The following EEPD1 variants were observed in gnomAD, a reference collection of about 807,000 sequenced individuals.
EEPD1 encodes the protein endonuclease/exonuclease/phosphatase family domain-containing protein 1.
EEPD1 carries 17 observed loss-of-function variants against 46.3 expected under a neutral mutation model. The ratio of observed to expected loss-of-function variants is 0.37; its 90% CI spans 0.25 to 0.55. The LOEUF is 0.55. EEPD1 is among the 20% of genes least tolerant of loss of function. The pLI, the probability that EEPD1 is intolerant of heterozygous loss-of-function variation, is 0.83. For synonymous variants in EEPD1, 313 were observed against 315.6 expected, an observed-to-expected ratio of 0.99 and a Z score of 0.09; for missense variants, 673 against 745.6, an observed-to-expected ratio of 0.90 and a Z score of 1.13.
At chr7:36,259,155 C>T (rs557949779) in intron 3 of EEPD1, among the ~76,000 whole-genome samples, 4 of 152,272 alleles carry the variant, frequency 2.6e-5, no homozygotes, top group South Asian at 2.1e-4. Flanking sequence ...TGGTTCAGCT[C>T]GCCCTCCGTG....
At chr7:36,234,878 T>G (rs1786402081) in intron 2 of EEPD1, among the ~76,000 whole-genome samples, 1 of 151,600 alleles carries the variant, frequency 6.6e-6, no homozygotes, top group African/African-American at 2.4e-5. Flanking sequence ...TCTCATGCTT[T>G]TACTGTGTGC....
At chr7:36,206,133 TA>T (rs546453993) in intron 2 of EEPD1, among the ~76,000 whole-genome samples, 3 of 152,158 alleles carry the variant, frequency 2.0e-5, no homozygotes, top group Non-Finnish European at 4.4e-5. Flanking sequence ...ATAACAGGGC[TA>T]AATCCCTGAC....
intron 3 of EEPD1, among the ~76,000 whole-genome samples, chr7:36,263,343 G>A (rs1171233384): frequency 6.6e-6 from 1 of 151,972 alleles, no homozygotes; most frequent in South Asian, 2.1e-4. Context: ...GGGAGGGGGG[G>A]GAAAAAGCAG....
In EEPD1 at chr7:36,173,672, A is replaced by G. The variant is rs556109391; in HGVS notation, c.878+18470A>G. Among the ~76,000 whole-genome samples, 8 of 152,304 alleles carry G rather than the reference A, an allele frequency of 5.3e-5. No homozygotes were observed. The East Asian group carries it at 7.7e-4, about 15-fold the overall frequency. On this transcript the variant is annotated intron_variant, in intron 2 of 7. Transcript: ENST00000242108. ...GTTTATAAATTACCCAGTCTCAGGTATATCTTTATAGCAGTGTGAAAATCA... is the reference window on the plus strand; with the variant it reads ...GTTTATAAATTACCCAGTCTCAGGTGTATCTTTATAGCAGTGTGAAAATCA...
At chr7:36,172,320 G>C (rs1785098892) in intron 2 of EEPD1, among the ~76,000 whole-genome samples, 1 of 152,168 alleles carries the variant, frequency 6.6e-6, no homozygotes, top group Non-Finnish European at 1.5e-5. Flanking sequence ...CCCCTGAGAG[G>C]GGCCTGTCTC....
chr7:36,176,023 G>A (rs557299648), intron 2 of EEPD1, among the ~76,000 whole-genome samples: 1 of 152,300 alleles, frequency 6.6e-6, no homozygotes, highest in South Asian at 2.1e-4. Context: ...TGAGTGAGCC[G>A]TGTGAGTAGA....
rs532546541 is a variant in EEPD1, at chr7:36,274,937, G to A, written c.931-6178G>A. On this transcript the variant is annotated intron_variant, in intron 3 of 7. Transcript: ENST00000242108. ...AAAGTTCAGTCTCCTGACCTTGCAC[G>A]GCCTAAGACAAGGGCTTCTTTCTTT... Among the ~76,000 whole-genome samples the A allele has an allele frequency of 1.4e-4, 21 of 152,230 alleles. No homozygotes were observed. In the South Asian group the frequency reaches 1.7e-3, roughly 12 times the overall value.
chr7:36,270,458 GC>G (rs1009243677), intron 3 of EEPD1, among the ~76,000 whole-genome samples: 14 of 151,762 alleles, frequency 9.2e-5, no homozygotes, highest in Non-Finnish European at 1.9e-4. Context: ...TCCCTCCCTA[GC>G]CCCCAACCCC....
chr7:36,188,102 G>A (rs952393466), intron 2 of EEPD1, among the ~76,000 whole-genome samples: 3 of 151,980 alleles, frequency 2.0e-5, no homozygotes, highest in Non-Finnish European at 4.4e-5. Context: ...GGCCTGTGCT[G>A]GTATTTTTTA....
chr7:36,271,609 G>A (rs1787102721), intron 3 of EEPD1, among the ~76,000 whole-genome samples: 1 of 151,624 alleles, frequency 6.6e-6, no homozygotes, highest in South Asian at 2.1e-4. Flanking sequence ...AAGCTCTTTA[G>A]TTTAATTAGA....
chr7:36,265,488 A>T (rs549798835), intron 3 of EEPD1, among the ~76,000 whole-genome samples: 5 of 152,314 alleles, frequency 3.3e-5, no homozygotes, highest in African/African-American at 1.2e-4. Flanking sequence ...AGAGGGTAGG[A>T]ATGGGGAGCT....
chr7:36,284,583 G>C (rs1787313068), intron 4 of EEPD1, 103 bp from the exon 5 acceptor site: 2 of 1,427,526 alleles, frequency 1.4e-6, no homozygotes, highest in Non-Finnish European at 9.4e-7. Context: ...GCTTGAGCCA[G>C]AGTAGGGCCT....
intron 3 of EEPD1, among the ~76,000 whole-genome samples, chr7:36,264,985 G>A (rs773413109): frequency 4.0e-5 from 6 of 151,772 alleles, no homozygotes; most frequent in Non-Finnish European, 8.8e-5. Flanking sequence ...TTAAAGACTA[G>A]GATTTGACAT....
intron 2 of EEPD1, among the ~76,000 whole-genome samples, chr7:36,197,775 C>G (rs995609424): frequency 3.3e-5 from 5 of 152,156 alleles, no homozygotes; most frequent in Middle Eastern, 3.4e-3. Context: ...CACAAACACT[C>G]TGCCTAGGAA....
At chr7:36,286,492 A>G (rs1787344574) in intron 5 of EEPD1, among the ~76,000 whole-genome samples, 1 of 152,202 alleles carries the variant, frequency 6.6e-6, no homozygotes, top group Admixed American at 6.5e-5. Context: ...GACAAATGGA[A>G]GGGCAAGATT....
rs796420023 is a variant in EEPD1 at position 36,160,680 on chromosome 7, G to C, written c.878+5478G>C. Among the ~76,000 whole-genome samples, 237 of 118,768 alleles carry C rather than the reference G, an allele frequency of 2.0e-3. 8 individuals carry two copies. Among genetic ancestry groups the C allele is most frequent in the African/African-American group, 6.0e-3 (225 of 37,364 alleles). The allele number at this position is 118,768 out of a possible 152,430, so 77.9% of individuals were successfully genotyped here. A position where few individuals can be genotyped will look rare whatever the true frequency, so the allele number is the denominator to read the frequency against. On this transcript the variant is annotated intron_variant, in intron 2 of 7. Transcript: ENST00000242108. ...AGTCTGACTGCTGGGAGGTGGTGGG[G>C]GGCGGGGCGTGCATGGAGAGGGTCC...
At chr7:36,298,812 A>G (rs1210507669) in intron 7 of EEPD1, among the ~76,000 whole-genome samples, 195 bp from the exon 8 acceptor site, 1 of 152,188 alleles carries the variant, frequency 6.6e-6, no homozygotes, top group Non-Finnish European at 1.5e-5. Context: ...ACTCTCCTTT[A>G]TGTGGAAAAT....
At chr7:36,296,654 T>C (rs974364795) in intron 6 of EEPD1, among the ~76,000 whole-genome samples, 1 of 152,016 alleles carries the variant, frequency 6.6e-6, no homozygotes, top group Non-Finnish European at 1.5e-5. Flanking sequence ...CCCAGTAGTA[T>C]GTTGAGTTTT....
chr7:36,224,525 A>G (rs1351766506), intron 2 of EEPD1, among the ~76,000 whole-genome samples: 2 of 152,256 alleles, frequency 1.3e-5, no homozygotes, highest in East Asian at 1.9e-4. Context: ...TTGAAAAACC[A>G]TCTACAGCAG....
Sources: gnomAD v4.1 joint callset for allele counts (sites outside exome capture counted in the v4.1 genomes callset) on GRCh38, gnomAD v4.1.1 for gene constraint, MANE v1.5 for transcripts, NCBI Gene and HGNC (gene_info 2026-07-23, HGNC 2026-07-21) for gene names.